TRERF1: variants seen among roughly 807,000 people sequenced by gnomAD.
TRERF1 encodes transcriptional-regulating factor 1.
A neutral mutation model predicts 122.9 loss-of-function variants in TRERF1; 27 were observed. That is an observed-to-expected ratio of 0.22 (90% CI 0.16 to 0.30). TRERF1 has a LOEUF of 0.30. Among genes scored for constraint, TRERF1 ranks in the 10% least tolerant of loss-of-function variants. TRERF1 has a pLI of 1.00. For synonymous variants in TRERF1, 636 were observed against 641.7 expected, an observed-to-expected ratio of 0.99 and a Z score of 0.13; for missense variants, 1,248 against 1,560.3, an observed-to-expected ratio of 0.80 and a Z score of 3.37.
chr6:42,403,171 C>T (rs933921018), intron 2 of TRERF1, among the ~76,000 whole-genome samples: 1 of 151,758 alleles, frequency 6.6e-6, no homozygotes, highest in East Asian at 1.9e-4. Context: ...CCAAAAAAGG[C>T]CATGAAAGTG....
At position 42,280,292 on chromosome 6, in the gene TRERF1, C is replaced by A. The variant is rs567808972; in HGVS notation, c.-258-10444G>T. Reference sequence around the variant, plus strand: ...TCTGGCAACTAGGGCTGGAGGCCTTCCAGCAGGACTTCCTGAGTCGCTCCC... The same window carrying A: ...TCTGGCAACTAGGGCTGGAGGCCTTACAGCAGGACTTCCTGAGTCGCTCCC... On this transcript the variant is annotated intron_variant, in intron 4 of 17. Coordinates refer to ENST00000372922, the Ensembl canonical transcript of TRERF1. 3.3e-5 allele frequency among the ~76,000 whole-genome samples: 5 copies of A among 152,320 alleles called. No homozygotes were observed. The South Asian group carries it at 8.3e-4, about 25-fold the overall frequency.
At chr6:42,231,880 C>G (rs1037304107) in intron 17 of TRERF1, among the ~76,000 whole-genome samples, 10 of 152,178 alleles carry the variant, frequency 6.6e-5, no homozygotes, top group Non-Finnish European at 1.3e-4. Flanking sequence ...TGATTTAGGT[C>G]AAGTCATTTT....
chr6:42,234,624 A>T (rs1460340854), intron 16 of TRERF1, among the ~76,000 whole-genome samples: 2 of 152,236 alleles, frequency 1.3e-5, no homozygotes, highest in East Asian at 3.9e-4. Context: ...TACAGGCGTG[A>T]GCCACCGCGC....
At chr6:42,399,749 G>A (rs1779129367) in intron 2 of TRERF1, among the ~76,000 whole-genome samples, 1 of 152,150 alleles carries the variant, frequency 6.6e-6, no homozygotes, top group Non-Finnish European at 1.5e-5. Context: ...ACCTCCAGTG[G>A]GTCATTGAGA....
chr6:42,269,349 C>T lies in TRERF1; in HGVS notation c.242G>A (p.Arg81Lys). The T allele has an allele frequency of 6.2e-7, 1 of 1,614,188 alleles. No homozygotes were observed. The highest frequency in any genetic ancestry group is 8.5e-7 in the Non-Finnish European group (1 of 1,180,030). The change falls in exon 5 of 18, where the codon AGG becomes AAG. Residue 81 changes from arginine to lysine, a missense_variant. Arg to Lys is a conservative substitution (Grantham distance 26). Coordinates refer to ENST00000372922, the Ensembl canonical transcript of TRERF1. The surrounding 1 kb of genome is among the most constrained non-coding windows in gnomAD (Gnocchi z 4.9). ...TGCATGACTTCCCCACCCTCCCTGC[C>T]TCGAGGTATCCATTTGGCCAAGGTT...
chr6:42,425,632 C>G (rs1470738750), intron 2 of TRERF1, among the ~76,000 whole-genome samples: 1 of 150,804 alleles, frequency 6.6e-6, no homozygotes, highest in Non-Finnish European at 1.5e-5. Flanking sequence ...CAACCTCCAC[C>G]TCCCAGGTTC....
chr6:42,253,537 C>T (rs1488192841), intron 13 of TRERF1, among the ~76,000 whole-genome samples: 2 of 152,184 alleles, frequency 1.3e-5, no homozygotes, highest in Non-Finnish European at 1.5e-5. Flanking sequence ...TTGGGACAGA[C>T]ACCAAGCAGG....
At chr6:42,386,901 G>A (rs1776904584) in intron 2 of TRERF1, among the ~76,000 whole-genome samples, 1 of 152,082 alleles carries the variant, frequency 6.6e-6, no homozygotes, top group Non-Finnish European at 1.5e-5. Flanking sequence ...GTTGGAGATG[G>A]GGTTCCTGTA....
At chr6:42,450,104 C>G (rs528738457) in intron 2 of TRERF1, among the ~76,000 whole-genome samples, 1 of 152,340 alleles carries the variant, frequency 6.6e-6, no homozygotes, top group South Asian at 2.1e-4. Context: ...AAAACAGAGG[C>G]AAGGAGAGGC....
chr6:42,373,824 A>C (rs969299630), intron 2 of TRERF1, among the ~76,000 whole-genome samples: 1 of 149,116 alleles, frequency 6.7e-6, no homozygotes, highest in Non-Finnish European at 1.5e-5. Flanking sequence ...AGAGCAAAAA[A>C]AAAAAAGAAG....
chr6:42,269,898 T>C lies in TRERF1; in HGVS notation c.-258-50A>G. ...GGAAAGGATTTATTTGGATGTTTTGTGATGAGCAATTGATATCCACCATGA... is the reference window on the plus strand; with the variant it reads ...GGAAAGGATTTATTTGGATGTTTTGCGATGAGCAATTGATATCCACCATGA... On this transcript the variant is annotated intron_variant, in intron 4 of 17. Transcript: ENST00000372922. This position sits in a 1 kb window ranked among gnomAD's most constrained non-coding sequence, Gnocchi z 4.9. 2.6e-6 allele frequency: 1 copy of C among 391,450 alleles called. No individual in the cohort carries two copies. The highest frequency in any genetic ancestry group is 4.3e-6 in the Non-Finnish European group (1 of 231,436). The allele number at this position is 391,450 out of a possible 1,614,324, so 24.2% of individuals were successfully genotyped here. A position where few individuals can be genotyped will look rare whatever the true frequency, so the allele number is the denominator to read the frequency against.
chr6:42,340,756 G>A (rs1317960285), intron 3 of TRERF1, among the ~76,000 whole-genome samples: 3 of 151,996 alleles, frequency 2.0e-5, no homozygotes, highest in Admixed American at 6.6e-5. Flanking sequence ...GTGTGCCACC[G>A]CACCCAGCGG....
intron 2 of TRERF1, among the ~76,000 whole-genome samples, chr6:42,395,019 A>G (rs988569140): frequency 6.6e-6 from 1 of 152,198 alleles, no homozygotes; most frequent in Non-Finnish European, 1.5e-5. Flanking sequence ...TAAAATTCTC[A>G]TCTGTAACAC....
chr6:42,331,708 G>T (rs1765265427), intron 3 of TRERF1, among the ~76,000 whole-genome samples: 1 of 152,136 alleles, frequency 6.6e-6, no homozygotes, highest in Admixed American at 6.5e-5. Context: ...TGAGCCACAG[G>T]GCTGGGTGCT....
intron 3 of TRERF1, among the ~76,000 whole-genome samples, chr6:42,303,692 T>C (rs1016126155): frequency 6.6e-6 from 1 of 151,916 alleles, no homozygotes; most frequent in Admixed American, 6.6e-5. Flanking sequence ...GGTGGGTGGA[T>C]CGCTTGAGCC....
intron 15 of TRERF1, among the ~76,000 whole-genome samples, chr6:42,241,198 T>C (rs1021399971): frequency 1.3e-5 from 2 of 152,114 alleles, no homozygotes; most frequent in African/African-American, 4.8e-5. Flanking sequence ...ACATGTTTTT[T>C]AAAACATTAG....
intron 3 of TRERF1, among the ~76,000 whole-genome samples, chr6:42,330,454 G>A (rs1036035872): frequency 3.3e-5 from 5 of 152,116 alleles, no homozygotes; most frequent in African/African-American, 1.2e-4. Context: ...TAGGTTCAAA[G>A]ATATTCAGTA....
Position 42,254,230 on chromosome 6 carries a change from C to T in TRERF1, c.2656+621G>A, listed in dbSNP as rs560787960. ...ATCCATTATTTAATAACTGCCTCCT[C>T]CTCAGAGCCTCTGAGCTGCACGACG... On this transcript the variant is annotated intron_variant, in intron 13 of 17. Transcript: ENST00000372922. 7.9e-5 allele frequency among the ~76,000 whole-genome samples: 12 copies of T among 152,336 alleles called. No individual in the cohort carries two copies. In the South Asian group the frequency reaches 2.5e-3, roughly 32 times the overall value.
intron 3 of TRERF1, among the ~76,000 whole-genome samples, chr6:42,338,161 C>G (rs376851439): frequency 3.5e-4 from 54 of 152,244 alleles, no homozygotes; most frequent in African/African-American, 1.2e-3. Context: ...GTGGCAGGAC[C>G]CAAAACAATA....
Sources: allele counts gnomAD v4.1 joint callset (sites outside exome capture counted in the v4.1 genomes callset), GRCh38; gene constraint gnomAD v4.1.1; non-coding constraint Gnocchi (gnomAD v3.1); transcripts MANE v1.5; gene names NCBI Gene and HGNC (gene_info 2026-07-23, HGNC 2026-07-21).